NCAM2: variants seen among roughly 807,000 people sequenced by gnomAD.
NCAM2 encodes the protein N-CAM-2.
Under a neutral mutation model 98.1 loss-of-function variants are expected in NCAM2, and 30 were observed. The observed-to-expected ratio is 0.31, with a 90% CI of 0.23 to 0.41. The LOEUF is 0.41. Among genes scored for constraint, NCAM2 ranks in the 10% least tolerant of loss-of-function variants. NCAM2 has a pLI of 1.00. For synonymous variants in NCAM2, 368 were observed against 342.4 expected, an observed-to-expected ratio of 1.07 and a Z score of -0.83; for missense variants, 867 against 1,005.8, an observed-to-expected ratio of 0.86 and a Z score of 1.87.
chr21:21,254,677 G>T (rs2071597782), intron 1 of NCAM2, among the ~76,000 whole-genome samples: 1 of 152,068 alleles, frequency 6.6e-6, no homozygotes, highest in African/African-American at 2.4e-5. Flanking sequence ...CATTTCCTTT[G>T]CACATTCTAG....
intron 16 of NCAM2, among the ~76,000 whole-genome samples, chr21:21,526,821 T>A (rs912229422): frequency 2.6e-5 from 4 of 151,976 alleles, no homozygotes; most frequent in African/African-American, 9.7e-5. Flanking sequence ...TAGACCTACA[T>A]AAATATACTC....
At chr21:21,165,297 G>A (rs1569097576) in intron 1 of NCAM2, among the ~76,000 whole-genome samples, 1 of 152,126 alleles carries the variant, frequency 6.6e-6, no homozygotes, top group Non-Finnish European at 1.5e-5. Flanking sequence ...GTTCCTCTGA[G>A]CTTGGGTGTC....
At chr21:21,467,604 G>T (rs952689768) in intron 13 of NCAM2, among the ~76,000 whole-genome samples, 4 of 151,606 alleles carry the variant, frequency 2.6e-5, no homozygotes, top group Non-Finnish European at 4.4e-5. Context: ...CCAGCATTTT[G>T]GAAGGCTGAG....
rs181955038 is a variant in NCAM2 at position 21,234,494 on chromosome 21, G to A, written c.56-46084G>A. ...AAGAATTTAAATTAACTTAGAATGT[G>A]TATAAACTCTTTTCTTAAGAGAGTG... On this transcript the variant is annotated intron_variant, in intron 1 of 17. Coordinates refer to ENST00000400546, the MANE Select transcript of NCAM2 (RefSeq NM_004540.5). Among the ~76,000 whole-genome samples, 658 of 151,990 alleles carry A rather than the reference G, an allele frequency of 4.3e-3. 4 individuals are homozygous for A. Among genetic ancestry groups the A allele is most frequent in the African/African-American group, 0.016 (644 of 41,530 alleles).
intron 1 of NCAM2, among the ~76,000 whole-genome samples, chr21:21,129,612 G>A (rs529498166): frequency 3.4e-4 from 51 of 152,120 alleles, no homozygotes; most frequent in Non-Finnish European, 6.5e-4. Context: ...GAGGGCTGGC[G>A]ATTTGGTTTT....
chr21:21,538,050 G>T lies in NCAM2; in HGVS notation c.*93G>T, dbSNP rs1990079582. 6 of 641,674 alleles carry T rather than the reference G, an allele frequency of 9.4e-6. No homozygotes were observed. The East Asian group carries it at 1.2e-4, about 13-fold the overall frequency. 39.7% of individuals were successfully genotyped at this position (641,674 alleles called of 1,614,324 possible). On this transcript the variant is annotated 3_prime_UTR_variant, in exon 18 of 18. Coordinates refer to ENST00000400546, the MANE Select transcript of NCAM2 (RefSeq NM_004540.5). ...ACTATTCCATTGACCTTAATTTCTT[G>T]GGAAACTTCTAGCTTGGAATAGCTT...
At chr21:21,197,270 C>A (rs188113735) in intron 1 of NCAM2, among the ~76,000 whole-genome samples, 119 of 152,262 alleles carry the variant, frequency 7.8e-4, no homozygotes, top group Non-Finnish European at 1.5e-3. Context: ...GCTGGGATTG[C>A]AGGTGCCCAG....
intron 6 of NCAM2, among the ~76,000 whole-genome samples, chr21:21,325,582 C>T (rs570986304): frequency 7.9e-5 from 12 of 152,112 alleles, no homozygotes; most frequent in Admixed American, 3.3e-4. Flanking sequence ...ACATATCCAC[C>T]CCAGATAATC....
At chr21:21,324,107 A>T (rs2074446895) in intron 5 of NCAM2, among the ~76,000 whole-genome samples, 1 of 152,196 alleles carries the variant, frequency 6.6e-6, no homozygotes, top group South Asian at 2.1e-4. Context: ...ATTATTGCAC[A>T]TTAGAACACA....
intron 1 of NCAM2, among the ~76,000 whole-genome samples, chr21:21,166,238 C>T (rs1379325788): frequency 1.3e-5 from 2 of 152,160 alleles, no homozygotes; most frequent in Non-Finnish European, 2.9e-5. Context: ...GACGGAGTCT[C>T]GCTCTGTCGC....
At chr21:21,488,562 A>G (rs972293451) in intron 15 of NCAM2, among the ~76,000 whole-genome samples, 2 of 152,046 alleles carry the variant, frequency 1.3e-5, no homozygotes, top group African/African-American at 2.4e-5. Context: ...TTATTTTAAT[A>G]ATTCAAGATG....
At chr21:21,049,072 G>A (rs1016992803) in intron 1 of NCAM2, among the ~76,000 whole-genome samples, 1 of 137,110 alleles carries the variant, frequency 7.3e-6, no homozygotes, top group Admixed American at 7.7e-5. Context: ...ACTGCGGACT[G>A]CAGTGGCGCA....
At chr21:21,099,155 G>T (rs886410128) in intron 1 of NCAM2, among the ~76,000 whole-genome samples, 2 of 140,724 alleles carry the variant, frequency 1.4e-5, no homozygotes, top group Admixed American at 1.3e-4. Context: ...GTCAGTAAGT[G>T]AAAAAGGCAA....
chr21:21,161,155 T>A (rs964069393), intron 1 of NCAM2, among the ~76,000 whole-genome samples: 4 of 151,830 alleles, frequency 2.6e-5, no homozygotes, highest in South Asian at 4.2e-4. Context: ...CTTGAAAAAA[T>A]TTATAACACA....
chr21:21,449,045 A>T (rs1169436123), intron 12 of NCAM2, among the ~76,000 whole-genome samples: 1 of 152,096 alleles, frequency 6.6e-6, no homozygotes, highest in Non-Finnish European at 1.5e-5. Flanking sequence ...AATTTTAGGT[A>T]AAATTACTTG....
At chr21:21,058,278 A>ACC (rs1281849506) in intron 1 of NCAM2, among the ~76,000 whole-genome samples, 1 of 151,920 alleles carries the variant, frequency 6.6e-6, no homozygotes, top group East Asian at 1.9e-4. Context: ...AAATACTGGG[A>ACC]CCCACTTGCT....
intron 12 of NCAM2, among the ~76,000 whole-genome samples, chr21:21,434,712 C>A (rs2077430653): frequency 6.6e-6 from 1 of 152,136 alleles, no homozygotes; most frequent in Admixed American, 6.5e-5. Flanking sequence ...TAGTGGTGAG[C>A]ATCGCTGCCT....
At chr21:21,470,981 G>A (rs1430573982) in intron 14 of NCAM2, among the ~76,000 whole-genome samples, 1 of 151,906 alleles carries the variant, frequency 6.6e-6, no homozygotes, top group East Asian at 1.9e-4. Flanking sequence ...CAAATATAAA[G>A]TGATACTTTT....
intron 5 of NCAM2, among the ~76,000 whole-genome samples, chr21:21,306,427 A>G (rs1311134389): frequency 2.0e-5 from 3 of 152,156 alleles, no homozygotes; most frequent in Non-Finnish European, 4.4e-5. Flanking sequence ...CTCATTAGGA[A>G]TTGATTCTGT....
Sources: gnomAD v4.1 joint callset for allele counts (sites outside exome capture counted in the v4.1 genomes callset) on GRCh38, gnomAD v4.1.1 for gene constraint, MANE v1.5 for transcripts, NCBI Gene and HGNC (gene_info 2026-07-23, HGNC 2026-07-21) for gene names.